HERC2: variants seen among roughly 807,000 people sequenced by gnomAD.
HERC2 encodes HECT and RLD domain containing E3 ubiquitin protein ligase 2.
HERC2 carries 102 observed loss-of-function variants against 537.7 expected under a neutral mutation model. The ratio of observed to expected loss-of-function variants is 0.19; its 90% CI spans 0.16 to 0.22. The LOEUF is 0.22. HERC2 is among the 10% of genes least tolerant of loss of function. The probability of loss-of-function intolerance (pLI) is 1.00; values close to 1 mark genes in which losing one functional copy is unlikely to be tolerated. For missense variants in HERC2, 4,236 were observed against 6,198.2 expected (o/e 0.68, Z 10.63); for synonymous variants, 2,224 against 2,466.2 (o/e 0.90, Z 2.91).
At chr15:28,157,482 T>C (rs1893128400) in intron 69 of HERC2, among the ~76,000 whole-genome samples, 1 of 152,224 alleles carries the variant, frequency 6.6e-6, no homozygotes, top group South Asian at 2.1e-4. Context: ...GGTGGGTGTA[T>C]GTGTCCAGGA....
At chr15:28,202,277 C>T in intron 46 of HERC2, 28 bp from the exon 47 acceptor site, 1 of 1,612,894 alleles carries the variant, frequency 6.2e-7, no homozygotes, top group Non-Finnish European at 8.5e-7. Flanking sequence ...AGCACAGCAG[C>T]CACTGTGAGT....
At chr15:28,264,270 G>A (rs1596347122) in intron 14 of HERC2, among the ~76,000 whole-genome samples, 1 of 152,300 alleles carries the variant, frequency 6.6e-6, no homozygotes, top group African/African-American at 2.4e-5. Context: ...AGCAGCCACA[G>A]ACAGTACGTA....
At chr15:28,286,983 A>C (rs1414153975) in intron 4 of HERC2, among the ~76,000 whole-genome samples, 1 of 152,162 alleles carries the variant, frequency 6.6e-6, no homozygotes, top group Non-Finnish European at 1.5e-5. Flanking sequence ...AAGTGGAGAG[A>C]GCGGTGATAA....
intron 20 of HERC2, among the ~76,000 whole-genome samples, chr15:28,251,424 C>CA (rs1227130690): frequency 6.7e-6 from 1 of 149,076 alleles, no homozygotes; most frequent in East Asian, 2.0e-4. Context: ...GTCTGGGCAA[C>CA]AGAGTGAGGC....
At chr15:28,314,619 G>A (rs2077033036) in intron 2 of HERC2, among the ~76,000 whole-genome samples, 2 of 152,112 alleles carry the variant, frequency 1.3e-5, no homozygotes, top group African/African-American at 4.8e-5. Flanking sequence ...GACTTTGGGA[G>A]GCCAAGGCGG....
At chr15:28,188,309 G>A (rs1403919754) in intron 55 of HERC2, among the ~76,000 whole-genome samples, 6 of 152,028 alleles carry the variant, frequency 3.9e-5, no homozygotes. Context: ...TTGGGAGGCC[G>A]AGGCAGGTGG....
intron 22 of HERC2, 104 bp from the exon 23 acceptor site, chr15:28,246,170 G>T: frequency 4.2e-6 from 3 of 708,286 alleles, no homozygotes; most frequent in East Asian, 2.8e-5. Flanking sequence ...AATAAGAAAT[G>T]TTTGTCCTTT....
In HERC2 at chr15:28,212,466, A is replaced by C. The variant is rs1369014387; in HGVS notation, c.6904T>G (p.Ser2302Ala). The C allele has an allele frequency of 6.2e-7, 1 of 1,610,524 alleles. No homozygotes were observed. Among genetic ancestry groups the C allele is most frequent in the Non-Finnish European group, 8.5e-7 (1 of 1,178,780 alleles). ...SKLEKHKIKK[S>A]TKQAFAGQVD... ...TGACCTGCAAAGGCCTGTTTAGTCG[A>C]TTTCTTTATTTTGTGCTTTTCTAAC... Residue 2302 changes from serine (S) to alanine (A), a missense_variant, in exon 43 of 93, where the codon TCG (serine) becomes GCG (alanine). By Grantham distance (99) the Ser-to-Ala change is moderately conservative. Coordinates refer to ENST00000261609, the MANE Select transcript of HERC2 (RefSeq NM_004667.6).
intron 26 of HERC2, among the ~76,000 whole-genome samples, chr15:28,235,561 G>A (rs1316143670): frequency 1.3e-5 from 2 of 152,100 alleles, no homozygotes; most frequent in African/African-American, 2.4e-5. Flanking sequence ...ACCCACTCTC[G>A]AAAGCAGCAG....
chr15:28,135,597 C>T lies in HERC2; in HGVS notation c.12111G>A (p.Val4037=), dbSNP rs1023861665. The change falls in exon 79 of 93, where the codon GTG becomes GTA. Residue 4037 remains valine (V), a synonymous_variant. Coordinates refer to ENST00000261609, the MANE Select transcript of HERC2 (RefSeq NM_004667.6). ...AGTTCACAGCTACTTTCTTAATAAACACATGCTGAATGGATTCAAGCAATG... is the reference window on the plus strand; with the variant it reads ...AGTTCACAGCTACTTTCTTAATAAATACATGCTGAATGGATTCAAGCAATG... ...TPTLLESIQH[V]FIKKVAVNSG... is the part of the protein sequence containing the mutation. 18 of 1,614,068 alleles carry T rather than the reference C, an allele frequency of 1.1e-5. No individual in the cohort carries two copies. In the Admixed American group the frequency reaches 2.3e-4, roughly 21 times the overall value.
chr15:28,160,405 T>A (rs1893467356), intron 69 of HERC2, among the ~76,000 whole-genome samples: 1 of 152,218 alleles, frequency 6.6e-6, no homozygotes, highest in African/African-American at 2.4e-5. Context: ...CGGGCCGCTT[T>A]GTTTACCTAC....
intron 35 of HERC2, among the ~76,000 whole-genome samples, chr15:28,224,198 C>CAGAT (rs1187455585): frequency 4.7e-5 from 7 of 150,396 alleles, no homozygotes; most frequent in African/African-American, 1.5e-4. Flanking sequence ...GACAGACAGA[C>CAGAT]AGATAGATAG....
chr15:28,177,349 A>T lies in HERC2; in HGVS notation c.9254+70T>A. On this transcript the variant is annotated intron_variant, in intron 60 of 92. Transcript: ENST00000261609. The surrounding 1 kb of genome is among the most constrained non-coding windows in gnomAD (Gnocchi z 5.0). ...TCTATTCTATTCTAATTTTCTGCAAAATAATTCTCAAGAGTATCAGTCAGA... is the reference window on the plus strand; with the variant it reads ...TCTATTCTATTCTAATTTTCTGCAATATAATTCTCAAGAGTATCAGTCAGA... The T allele has an allele frequency of 6.7e-7, 1 of 1,488,122 alleles. No homozygotes were observed. Among genetic ancestry groups the T allele is most frequent in the Non-Finnish European group, 9.3e-7 (1 of 1,069,714 alleles). 92.2% of individuals were successfully genotyped at this position (1,488,122 alleles called of 1,614,324 possible).
intron 4 of HERC2, among the ~76,000 whole-genome samples, chr15:28,287,809 C>T (rs2076200543): frequency 6.6e-6 from 1 of 150,776 alleles, no homozygotes; most frequent in Non-Finnish European, 1.5e-5. Context: ...CTGCAAGCTC[C>T]GCCTCCTGGG....
chr15:28,160,574 C>T (rs143873550), intron 69 of HERC2, among the ~76,000 whole-genome samples: 201 of 152,344 alleles, frequency 1.3e-3, no homozygotes, highest in African/African-American at 4.7e-3. Context: ...TTGCTAAGAC[C>T]GTTGGAAAAG....
intron 55 of HERC2, 98 bp from the exon 56 acceptor site, chr15:28,186,850 C>T (rs1180488716): frequency 2.5e-5 from 18 of 734,112 alleles, no homozygotes; most frequent in Middle Eastern, 3.2e-4. Flanking sequence ...CATGTACACA[C>T]GGTTAGAGCT....
intron 2 of HERC2, among the ~76,000 whole-genome samples, chr15:28,313,068 C>T (rs1401591476): frequency 6.6e-6 from 1 of 151,848 alleles, no homozygotes; most frequent in East Asian, 1.9e-4. Context: ...TATTCGCTTC[C>T]CACCAACACC....
chr15:28,163,462 C>T (rs1485904939), intron 68 of HERC2, among the ~76,000 whole-genome samples, 177 bp from the exon 69 acceptor site: 1 of 152,110 alleles, frequency 6.6e-6, no homozygotes, highest in Non-Finnish European at 1.5e-5. Context: ...CTCCACCAAG[C>T]CATGTACTAT....
chr15:28,218,318 C>T (rs1465808025), intron 38 of HERC2, among the ~76,000 whole-genome samples, 171 bp downstream of exon 38: 2 of 151,970 alleles, frequency 1.3e-5, no homozygotes, highest in Non-Finnish European at 2.9e-5. Flanking sequence ...GCCTTCCAGC[C>T]GCCAGAACCG....
Sources: gnomAD v4.1 joint callset for allele counts (sites outside exome capture counted in the v4.1 genomes callset) on GRCh38, gnomAD v4.1.1 for gene constraint, Gnocchi (gnomAD v3.1) non-coding constraint, MANE v1.5 for transcripts, NCBI Gene and HGNC (gene_info 2026-07-23, HGNC 2026-07-21) for gene names.